The following TECRL variants were observed in gnomAD, a reference collection of about 807,000 sequenced individuals.
The protein encoded by TECRL is trans-2,3-enoyl-CoA reductase like, also known as trans-2,3-enoyl-CoA reductase-like.
Under a neutral mutation model 52.8 loss-of-function variants are expected in TECRL, and 63 were observed. The ratio of observed to expected loss-of-function variants is 1.19; its 90% CI spans 0.97 to 1.47. The LOEUF is 1.47. TECRL is among the 40% of genes most tolerant of loss of function. The pLI is 0.00. For missense variants in TECRL, 482 were observed against 429.6 expected, an observed-to-expected ratio of 1.12 and a Z score of -1.08; for synonymous variants, 164 against 141.9, an observed-to-expected ratio of 1.16 and a Z score of -1.10.
rs1448531538 is a variant in TECRL, at chr4:64,400,546, C to T, written c.234+8572G>A. On this transcript the variant is annotated intron_variant, in intron 1 of 11. Transcript: ENST00000381210. Reference sequence around the variant, plus strand: ...TATAGTTTGGGAATTTGTCCCTGCCCAAATCTCATGTATAAATGGAATCCC... The same window carrying T: ...TATAGTTTGGGAATTTGTCCCTGCCTAAATCTCATGTATAAATGGAATCCC... 3.3e-5 allele frequency among the ~76,000 whole-genome samples: 5 copies of T among 152,094 alleles called. 1 individual carries two copies. The highest frequency in any genetic ancestry group is 2.0e-4 in the Admixed American group (3 of 15,278).
chr4:64,281,686 T>C lies in TECRL; in HGVS notation c.833-127A>G, dbSNP rs10001161. 0.97 allele frequency: 518,100 copies of C among 532,330 alleles called. 252,175 individuals are homozygous for C. Among genetic ancestry groups the C allele is most frequent in the East Asian group, 1 (31,634 of 31,636 alleles). The allele number at this position is 532,330 out of a possible 1,614,324, so 33.0% of individuals were successfully genotyped here. On this transcript the variant is annotated intron_variant, in intron 9 of 11. Transcript: ENST00000381210. The stretch of plus-strand genomic sequence containing the variant: ...ATGAAATGTCATCACGTATTTATAG[T>C]AACCTATTTTGCAAATTACTCAGAA...
chr4:64,335,149 C>T (rs1718965099), intron 2 of TECRL, among the ~76,000 whole-genome samples: 1 of 152,172 alleles, frequency 6.6e-6, no homozygotes, highest in Non-Finnish European at 1.5e-5. Flanking sequence ...CTATTAGGAA[C>T]CTGGCTGCAC....
At chr4:64,339,607 ATTTAC>A (rs1484367068) in intron 2 of TECRL, among the ~76,000 whole-genome samples, 3 of 151,816 alleles carry the variant, frequency 2.0e-5, no homozygotes, top group Non-Finnish European at 2.9e-5. Flanking sequence ...CTCCTCCACT[ATTTAC>A]TTATCAATGT....
chr4:64,300,103 G>A, intron 7 of TECRL, 86 bp from the exon 8 acceptor site: 1 of 998,986 alleles, frequency 1.0e-6, no homozygotes, highest in Non-Finnish European at 1.5e-6. Flanking sequence ...AGTATTTATT[G>A]GGTATAAATT....
At chr4:64,385,375 G>C (rs1217773284) in intron 1 of TECRL, among the ~76,000 whole-genome samples, 1 of 152,180 alleles carries the variant, frequency 6.6e-6, no homozygotes. Flanking sequence ...TGATAGGGAG[G>C]TCAATGGTGC....
In TECRL at chr4:64,279,784, A is replaced by T; in HGVS notation, c.*288T>A. 1 of 996,536 alleles carries T rather than the reference A, an allele frequency of 1.0e-6. No individual in the cohort carries two copies. The highest frequency in any genetic ancestry group is 1.2e-6 in the Non-Finnish European group (1 of 837,878). 61.7% of individuals were successfully genotyped at this position (996,536 alleles called of 1,614,324 possible). A position where few individuals can be genotyped will look rare whatever the true frequency, so the allele number is the denominator to read the frequency against. ...TTTTTTTGCTGTGGTATTTTGTCTTATGCAAATAGTATTGTGAAGTATTAA... is the reference window on the plus strand; with the variant it reads ...TTTTTTTGCTGTGGTATTTTGTCTTTTGCAAATAGTATTGTGAAGTATTAA... On this transcript the variant is annotated 3_prime_UTR_variant, in exon 12 of 12. Coordinates refer to ENST00000381210, the MANE Select transcript of TECRL (RefSeq NM_001010874.5).
At chr4:64,382,548 G>T (rs937985717) in intron 1 of TECRL, among the ~76,000 whole-genome samples, 1 of 150,786 alleles carries the variant, frequency 6.6e-6, no homozygotes. Flanking sequence ...TTTGGTTTTC[G>T]TTTGTATGGA....
At chr4:64,361,114 A>G (rs1721160932) in intron 2 of TECRL, among the ~76,000 whole-genome samples, 1 of 152,090 alleles carries the variant, frequency 6.6e-6, no homozygotes, top group Admixed American at 6.6e-5. Context: ...GCATGACTGC[A>G]CCCACTTGCA....
intron 2 of TECRL, among the ~76,000 whole-genome samples, chr4:64,335,844 C>A (rs111659583): frequency 0.011 from 1,745 of 152,276 alleles, 45 homozygotes; most frequent in African/African-American, 0.04. Context: ...GTTGAACCAG[C>A]CTTGCATCCC....
At chr4:64,292,229 C>A (rs987510187) in intron 8 of TECRL, among the ~76,000 whole-genome samples, 1 of 151,910 alleles carries the variant, frequency 6.6e-6, no homozygotes, top group Non-Finnish European at 1.5e-5. Flanking sequence ...TATATTTCTC[C>A]TGGATTGATG....
At chr4:64,343,388 T>C (rs1440632989) in intron 2 of TECRL, among the ~76,000 whole-genome samples, 1 of 152,116 alleles carries the variant, frequency 6.6e-6, no homozygotes, top group Non-Finnish European at 1.5e-5. Context: ...TTACCCTATT[T>C]ACCAATTTTG....
intron 1 of TECRL, among the ~76,000 whole-genome samples, chr4:64,396,151 T>A (rs1407716636): frequency 6.6e-6 from 1 of 152,198 alleles, no homozygotes; most frequent in African/African-American, 2.4e-5. Flanking sequence ...CATGTATTTG[T>A]CTTTCTAGTA....
At chr4:64,390,585 T>C (rs940503694) in intron 1 of TECRL, among the ~76,000 whole-genome samples, 1 of 151,866 alleles carries the variant, frequency 6.6e-6, no homozygotes, top group Non-Finnish European at 1.5e-5. Context: ...GCATGTCATA[T>C]AAGTGAGCAT....
intron 2 of TECRL, among the ~76,000 whole-genome samples, chr4:64,343,301 A>G (rs537059760): frequency 6.6e-6 from 1 of 152,102 alleles, no homozygotes; most frequent in Non-Finnish European, 1.5e-5. Flanking sequence ...AGCTAGTGTT[A>G]CTTGGTGGTG....
intron 2 of TECRL, among the ~76,000 whole-genome samples, chr4:64,349,849 T>C (rs1219094131): frequency 2.6e-5 from 4 of 152,162 alleles, no homozygotes; most frequent in Non-Finnish European, 4.4e-5. Context: ...AATAATGGAA[T>C]TTATAGGTGA....
intron 8 of TECRL, among the ~76,000 whole-genome samples, chr4:64,296,472 A>G (rs1723687476): frequency 6.6e-6 from 1 of 151,858 alleles, no homozygotes; most frequent in Non-Finnish European, 1.5e-5. Flanking sequence ...ACAGAGGCAA[A>G]ACTAGGGAAA....
intron 8 of TECRL, among the ~76,000 whole-genome samples, chr4:64,290,213 T>C (rs922889918): frequency 1.3e-5 from 2 of 152,288 alleles, no homozygotes; most frequent in Admixed American, 1.3e-4. Context: ...TTGGAAAACC[T>C]ACTGTGAGCA....
In TECRL at chr4:64,409,157, A is replaced by G. The variant is rs1456331124; in HGVS notation, c.195T>C (p.Phe65=). The change falls in exon 1 of 12, where the codon TTT becomes TTC. Residue 65 remains phenylalanine, a synonymous_variant. Transcript: ENST00000381210. ...ATATCTGTTTCCTTGTTTGAGCATC[A>G]AATATTTCAATCTCAAAGTGAGTCG... ...SKTTHFEIEI[F]DAQTRKQICI... is the part of the protein sequence containing the mutation. 1 of 1,613,286 alleles carries G rather than the reference A, an allele frequency of 6.2e-7. No individual in the cohort carries two copies.
intron 2 of TECRL, among the ~76,000 whole-genome samples, chr4:64,346,617 C>T (rs1004151922): frequency 6.6e-6 from 1 of 152,252 alleles, no homozygotes; most frequent in Non-Finnish European, 1.5e-5. Flanking sequence ...GCAACAAGTC[C>T]TGAGACTGCA....
Sources: gnomAD v4.1 joint callset for allele counts (sites outside exome capture counted in the v4.1 genomes callset) on GRCh38, gnomAD v4.1.1 for gene constraint, MANE v1.5 for transcripts, NCBI Gene and HGNC (gene_info 2026-07-23, HGNC 2026-07-21) for gene names.